The following SNX29 variants were observed in gnomAD, a reference collection of about 807,000 sequenced individuals.
The protein encoded by SNX29 is sorting nexin 29.
In SNX29, 78 loss-of-function variants were observed where a neutral mutation model predicts 102.1. The ratio of observed to expected loss-of-function variants is 0.76; its 90% CI spans 0.64 to 0.92. The LOEUF is 0.92. Among genes scored for constraint, SNX29 ranks in the 40% least tolerant of loss-of-function variants. The pLI is 0.00. For synonymous variants in SNX29, 580 were observed against 414.5 expected (o/e 1.40, Z -4.85); for missense variants, 1,280 against 1,061.7 (o/e 1.21, Z -2.86).
chr16:12,132,174 C>G (rs540992723), intron 13 of SNX29, among the ~76,000 whole-genome samples: 35 of 151,764 alleles, frequency 2.3e-4, no homozygotes, highest in Admixed American at 5.9e-4. Context: ...TCTCGGCTCA[C>G]TGCAACCTCT....
At chr16:12,355,863 A>T (rs1247898801) in intron 15 of SNX29, among the ~76,000 whole-genome samples, 4 of 150,286 alleles carry the variant, frequency 2.7e-5, no homozygotes, top group Non-Finnish European at 5.9e-5. Context: ...AAAAAAAAAA[A>T]AAAAAAAAAA....
intron 2 of SNX29, among the ~76,000 whole-genome samples, chr16:12,002,736 C>T (rs1596563383): frequency 6.6e-6 from 1 of 152,212 alleles, no homozygotes; most frequent in African/African-American, 2.4e-5. Flanking sequence ...TTTCTGTTAG[C>T]AATGTTTTCC....
intron 10 of SNX29, among the ~76,000 whole-genome samples, chr16:12,073,421 C>T (rs867814030): frequency 2.6e-5 from 4 of 152,102 alleles, no homozygotes; most frequent in African/African-American, 4.8e-5. Flanking sequence ...GCCTTCATTT[C>T]GTTATGTACC....
At chr16:12,543,649 C>G (rs374763778) in intron 20 of SNX29, among the ~76,000 whole-genome samples, 1 of 151,992 alleles carries the variant, frequency 6.6e-6, no homozygotes, top group African/African-American at 2.4e-5. Context: ...TGCCGTCTGT[C>G]TCCAGACGCT....
chr16:12,208,843 TAAA>T (rs34312513), intron 14 of SNX29, among the ~76,000 whole-genome samples: 17 of 143,952 alleles, frequency 1.2e-4, no homozygotes, highest in Admixed American at 1.4e-4. Context: ...CATGTCTCTT[TAAA>T]AAAAAAAAAA....
At chr16:12,477,267 C>T (rs906788981) in intron 18 of SNX29, among the ~76,000 whole-genome samples, 5 of 152,210 alleles carry the variant, frequency 3.3e-5, no homozygotes, top group African/African-American at 7.2e-5. Flanking sequence ...GTGTGGTGGT[C>T]GGTGTGGTCC....
At chr16:12,547,117 A>G (rs946839234) in intron 20 of SNX29, among the ~76,000 whole-genome samples, 2 of 152,184 alleles carry the variant, frequency 1.3e-5, no homozygotes, top group Non-Finnish European at 2.9e-5. Context: ...AAGACAGGAA[A>G]TGACATCACA....
At chr16:12,310,123 C>T (rs1459424595) in intron 15 of SNX29, among the ~76,000 whole-genome samples, 2 of 152,148 alleles carry the variant, frequency 1.3e-5, no homozygotes, top group Non-Finnish European at 1.5e-5. Flanking sequence ...CGTGCACGCA[C>T]ACATGCATGC....
chr16:12,380,680 T>TTCAC (rs2083065928), intron 16 of SNX29, among the ~76,000 whole-genome samples: 1 of 29,906 alleles, frequency 3.3e-5, no homozygotes, highest in East Asian at 1.5e-3. Flanking sequence ...CATCCATCCA[T>TTCAC]CCACCATCCA....
chr16:12,328,312 T>A (rs186498729), intron 15 of SNX29, among the ~76,000 whole-genome samples: 6 of 152,372 alleles, frequency 3.9e-5, no homozygotes, highest in Non-Finnish European at 8.8e-5. Context: ...AGCTATAGAT[T>A]ATTTATTGTA....
At chr16:12,419,573 C>CA (rs1555532587) in intron 18 of SNX29, among the ~76,000 whole-genome samples, 162 of 149,244 alleles carry the variant, frequency 1.1e-3, no homozygotes, top group African/African-American at 1.8e-3. Context: ...CCCCCCCCCC[C>CA]ATCTTTCTGT....
intron 15 of SNX29, among the ~76,000 whole-genome samples, chr16:12,299,113 A>G (rs967675053): frequency 3.9e-5 from 6 of 152,124 alleles, no homozygotes; most frequent in African/African-American, 1.2e-4. Flanking sequence ...CCACCTGGCC[A>G]ACATGGCGAG....
chr16:12,512,153 G>C (rs1346098741), intron 19 of SNX29, among the ~76,000 whole-genome samples: 4 of 151,570 alleles, frequency 2.6e-5, no homozygotes, highest in Admixed American at 2.6e-4. Context: ...TCCCCCAGGG[G>C]ATGTAGGGAG....
chr16:12,314,442 G>T (rs1428553393), intron 15 of SNX29, among the ~76,000 whole-genome samples: 1 of 152,236 alleles, frequency 6.6e-6, no homozygotes, highest in South Asian at 2.1e-4. Flanking sequence ...TCTTGGCTCC[G>T]TGACTTCCTA....
chr16:12,178,540 C>T (rs1374495038), intron 13 of SNX29, among the ~76,000 whole-genome samples: 2 of 152,180 alleles, frequency 1.3e-5, no homozygotes, highest in African/African-American at 4.8e-5. Context: ...CTGAATGTTC[C>T]GTCATGGTCC....
chr16:12,542,074 T>G (rs560078561), intron 20 of SNX29, among the ~76,000 whole-genome samples: 1 of 152,246 alleles, frequency 6.6e-6, no homozygotes, highest in Admixed American at 6.5e-5. Context: ...CACCAGTTAG[T>G]CCAAATCCTG....
chr16:12,332,180 G>C (rs1236942194), intron 15 of SNX29, among the ~76,000 whole-genome samples: 1 of 152,156 alleles, frequency 6.6e-6, no homozygotes, highest in East Asian at 1.9e-4. Flanking sequence ...TTGATGGTCA[G>C]GGAAAATGAA....
intron 15 of SNX29, among the ~76,000 whole-genome samples, chr16:12,285,332 T>G: frequency 6.6e-6 from 1 of 152,180 alleles, no homozygotes; most frequent in East Asian, 1.9e-4. Context: ...GTCCATCCTC[T>G]GCAAACAGAA....
At chr16:12,169,861 C>A (rs563410555) in intron 13 of SNX29, among the ~76,000 whole-genome samples, 1 of 151,864 alleles carries the variant, frequency 6.6e-6, no homozygotes, top group Non-Finnish European at 1.5e-5. Flanking sequence ...GTTCAACAGC[C>A]GCCTCCTGGG....
Sources: allele counts gnomAD v4.1 joint callset (sites outside exome capture counted in the v4.1 genomes callset), GRCh38; gene constraint gnomAD v4.1.1; transcripts MANE v1.5; gene names NCBI Gene and HGNC (gene_info 2026-07-23, HGNC 2026-07-21).